The following PEMT variants were observed in gnomAD, a reference collection of about 807,000 sequenced individuals.
PEMT encodes phospholipid methyltransferase.
In PEMT, 23 loss-of-function variants were observed where a neutral mutation model predicts 27.4. The ratio of observed to expected loss-of-function variants is 0.84; its 90% CI spans 0.60 to 1.19. The LOEUF is 1.19. PEMT is among the 50% of genes most tolerant of loss of function. The pLI is 0.00. For missense variants in PEMT, 307 were observed against 310.1 expected (o/e 0.99, Z 0.07); for synonymous variants, 137 against 139.1 (o/e 0.98, Z 0.11).
chr17:17,576,396 G>A (rs113219785), intron 2 of PEMT, among the ~76,000 whole-genome samples: 27 of 152,290 alleles, frequency 1.8e-4, no homozygotes, highest in African/African-American at 5.1e-4. Context: ...AACTCATGCC[G>A]GCTTGCTCCT....
In PEMT at chr17:17,512,571, C is replaced by T. The variant is rs1906494346; in HGVS notation, c.404G>A (p.Gly135Glu). 21 of 1,609,012 alleles carry T rather than the reference C, an allele frequency of 1.3e-5. No individual in the cohort carries two copies. Among genetic ancestry groups the T allele is most frequent in the Non-Finnish European group, 1.7e-5 (20 of 1,177,682 alleles). The change falls in exon 4 of 7, where the codon GGA (glycine) becomes GAA (glutamate). Residue 135 changes from glycine to glutamate, a missense_variant. Gly to Glu is a moderately conservative substitution (Grantham distance 98). Transcript: ENST00000255389. The surrounding 1 kb of genome is among the most constrained non-coding windows in gnomAD (Gnocchi z 6.3). ...GGAGAGCACGAGCACGACGCCCAGTCCCAGGAGCGCGAGGCCCAGGCTGTA... is the reference window on the plus strand; with the variant it reads ...GGAGAGCACGAGCACGACGCCCAGTTCCAGGAGCGCGAGGCCCAGGCTGTA... ...AAYSLGLALL[G>E]LGVVLVLSSF...
chr17:17,505,802 TGTG>T lies in PEMT; in HGVS notation c.697_699del (p.His233del). On this transcript the variant is annotated inframe_deletion, in exon 7 of 7. Transcript: ENST00000255389. Reference sequence around the variant, plus strand: ...CTGTTGCAGCTCAATCAGCTCCTCTTGTGGGACCCGGAGGCTTTCTGCCGGTAG... The same window carrying T: ...CTGTTGCAGCTCAATCAGCTCCTCTTGGACCCGGAGGCTTTCTGCCGGTAG... The T allele has an allele frequency of 6.2e-7, 1 of 1,611,312 alleles. No homozygotes were observed. The highest frequency in any genetic ancestry group is 8.5e-7 in the Non-Finnish European group (1 of 1,178,582).
chr17:17,519,604 C>G (rs74409119), intron 3 of PEMT, among the ~76,000 whole-genome samples: 1 of 151,742 alleles, frequency 6.6e-6, no homozygotes, highest in African/African-American at 2.4e-5. Context: ...ACACAGCACT[C>G]GGCTGGGGCC....
At position 17,582,246 on chromosome 17, in the gene PEMT, T is replaced by A; in HGVS notation, c.97-5219A>T. On this transcript the variant is annotated intron_variant, in intron 1 of 6. Coordinates refer to ENST00000255389, the MANE Select transcript of PEMT (RefSeq NM_148172.3). The surrounding 1 kb of genome is among the most constrained non-coding windows in gnomAD (Gnocchi z 4.9). ...GGTTGCAGAGGCCTCGGAATCTGAC[T>A]AAAGGAAAGGAGCTACCCACCACGG... 1.0e-6 allele frequency: 1 copy of A among 985,268 alleles called. No homozygotes were observed. The highest frequency in any genetic ancestry group is 1.2e-6 in the Non-Finnish European group (1 of 829,818). The allele number at this position is 985,268 out of a possible 1,614,324, so 61.0% of individuals were successfully genotyped here. A position where few individuals can be genotyped will look rare whatever the true frequency, so the allele number is the denominator to read the frequency against.
At chr17:17,521,024 C>T (rs1198799871) in intron 3 of PEMT, among the ~76,000 whole-genome samples, 2 of 152,260 alleles carry the variant, frequency 1.3e-5, no homozygotes, top group Non-Finnish European at 2.9e-5. Flanking sequence ...CATTCGCAGG[C>T]CCCTTCCTGT....
In PEMT at chr17:17,523,775, C is replaced by T. The variant is rs1163242404; in HGVS notation, c.205-1380G>A. Among the ~76,000 whole-genome samples, 3 of 152,042 alleles carry T rather than the reference C, an allele frequency of 2.0e-5. No individual in the cohort carries two copies. The highest frequency in any genetic ancestry group is 1.3e-4 in the Admixed American group (2 of 15,270). ...AAGAGGAGCAGTCTGCAGAGAGCAC[C>T]GCGGGGGCCCAGGACCACAGCCTGC... On this transcript the variant is annotated intron_variant, in intron 2 of 6. Coordinates refer to ENST00000255389, the MANE Select transcript of PEMT (RefSeq NM_148172.3). The surrounding 1 kb of genome is among the most constrained non-coding windows in gnomAD (Gnocchi z 4.8).
intron 2 of PEMT, among the ~76,000 whole-genome samples, chr17:17,568,225 C>A (rs1343052932): frequency 6.6e-6 from 1 of 152,184 alleles, no homozygotes; most frequent in Non-Finnish European, 1.5e-5. Context: ...CCCTATGACT[C>A]CTCCAAAAAG....
upstream of PEMT, chr17:17,591,839 C>G: frequency 7.2e-7 from 1 of 1,388,674 alleles, no homozygotes; most frequent in Non-Finnish European, 9.3e-7. Flanking sequence ...CCGAGAACTA[C>G]AAGTCCCAGT....
At chr17:17,532,058 A>G (rs1448318016) in intron 2 of PEMT, among the ~76,000 whole-genome samples, 3 of 152,204 alleles carry the variant, frequency 2.0e-5, no homozygotes, top group Admixed American at 1.3e-4. Context: ...ATTTTTTTCA[A>G]TGGGCAGAAA....
intron 5 of PEMT, chr17:17,507,212 AGGAGGGAG>A: frequency 6.4e-7 from 1 of 1,550,420 alleles, no homozygotes; most frequent in Non-Finnish European, 8.7e-7. Flanking sequence ...GCTGCCAGGG[AGGAGGGAG>A]GGAGGGAGGA....
intron 2 of PEMT, among the ~76,000 whole-genome samples, chr17:17,555,685 G>C (rs1194506989): frequency 6.4e-4 from 97 of 152,290 alleles, no homozygotes; most frequent in Non-Finnish European, 5.9e-5. Flanking sequence ...CTCTGACCAC[G>C]GCCCATCCAC....
rs142462465 is a variant in PEMT at position 17,554,218 on chromosome 17, C to T, written c.204+22702G>A. 4.0e-3 allele frequency among the ~76,000 whole-genome samples: 615 copies of T among 152,358 alleles called. 5 individuals are homozygous for T. The highest frequency in any genetic ancestry group is 0.024 in the Middle Eastern group (7 of 294). Reference sequence around the variant, plus strand: ...TTGGTTTTCAGTACAAAGAAGACAGCGTTAGAGACCCGGCCCCCTCCCCTC... The same window carrying T: ...TTGGTTTTCAGTACAAAGAAGACAGTGTTAGAGACCCGGCCCCCTCCCCTC... On this transcript the variant is annotated intron_variant, in intron 2 of 6. Coordinates refer to ENST00000255389, the MANE Select transcript of PEMT (RefSeq NM_148172.3).
In PEMT at chr17:17,586,276, GAAAGAAAGAAAGAA is replaced by G. The variant is rs1156381637; in HGVS notation, c.96+5241_96+5254del. On this transcript the variant is annotated intron_variant, in intron 1 of 6. Transcript: ENST00000255389. ...AGAAAGAAAGAAAGAAAGAAAGAAA[GAAAGAAAGAAAGAA>G]AAAAAAAAACGCAGGTGGAAAATCG... 7.9e-4 allele frequency among the ~76,000 whole-genome samples: 82 copies of G among 104,304 alleles called. 1 individual carries two copies. Among genetic ancestry groups the G allele is most frequent in the Middle Eastern group, 4.7e-3 (1 of 212 alleles). 68.4% of individuals were successfully genotyped at this position (104,304 alleles called of 152,430 possible). A position where few individuals can be genotyped will look rare whatever the true frequency, so the allele number is the denominator to read the frequency against.
chr17:17,586,100 T>TG (rs1912232464), intron 1 of PEMT, among the ~76,000 whole-genome samples: 1 of 110,378 alleles, frequency 9.1e-6, no homozygotes, highest in African/African-American at 3.4e-5. Flanking sequence ...AAAAAAAAAT[T>TG]GTCACAGATT....
intron 2 of PEMT, among the ~76,000 whole-genome samples, chr17:17,553,924 G>A (rs1022686203): frequency 7.2e-5 from 11 of 152,130 alleles, no homozygotes; most frequent in African/African-American, 2.7e-4. Flanking sequence ...CCCGCTGCCC[G>A]GCAGTCACAG....
intron 2 of PEMT, among the ~76,000 whole-genome samples, chr17:17,541,237 C>G (rs976365728): frequency 1.3e-5 from 2 of 152,252 alleles, no homozygotes; most frequent in Non-Finnish European, 2.9e-5. Flanking sequence ...TCCCAGAGCC[C>G]TGCAAGGAAG....
chr17:17,546,749 C>T (rs1001561939), intron 2 of PEMT, among the ~76,000 whole-genome samples: 1 of 152,254 alleles, frequency 6.6e-6, no homozygotes, highest in African/African-American at 2.4e-5. Flanking sequence ...AGTAGCCCAA[C>T]AGGGCTTGCA....
chr17:17,591,484 T>G, intron 1 of PEMT, 47 bp downstream of exon 1: 1 of 1,495,488 alleles, frequency 6.7e-7, no homozygotes, highest in Non-Finnish European at 9.2e-7. Context: ...CCTCGGGCCT[T>G]GCAGATCCCT....
Position 17,523,112 on chromosome 17 carries a change from C to CG in PEMT, c.205-718dup, listed in dbSNP as rs1192904784. On this transcript the variant is annotated intron_variant, in intron 2 of 6. Transcript: ENST00000255389. The surrounding 1 kb of genome is among the most constrained non-coding windows in gnomAD (Gnocchi z 4.8). ...CCACAGTCCTGAGCTGGTTATCGCCCGGGCCTGGCCCAGCACACTGAGGAA... is the reference window on the plus strand; with the variant it reads ...CCACAGTCCTGAGCTGGTTATCGCCCGGGGCCTGGCCCAGCACACTGAGGAA... 6.6e-6 allele frequency among the ~76,000 whole-genome samples: 1 copy of CG among 152,178 alleles called. No homozygotes were observed. The highest frequency in any genetic ancestry group is 2.4e-5 in the African/African-American group (1 of 41,426).
Sources: gnomAD v4.1 joint callset for allele counts (sites outside exome capture counted in the v4.1 genomes callset) on GRCh38, gnomAD v4.1.1 for gene constraint, Gnocchi (gnomAD v3.1) non-coding constraint, MANE v1.5 for transcripts, NCBI Gene and HGNC (gene_info 2026-07-23, HGNC 2026-07-21) for gene names.